LPO: variants seen among roughly 807,000 people sequenced by gnomAD.
LPO encodes the protein salivary peroxidase.
A neutral mutation model predicts 68.4 loss-of-function variants in LPO; 70 were observed. The observed-to-expected ratio is 1.02, with a 90% CI of 0.84 to 1.25. The LOEUF is 1.25. Among genes scored for constraint, LPO ranks in the 50% most tolerant of loss-of-function variants. LPO has a pLI of 0.00. For missense variants in LPO, 873 were observed against 908.4 expected, an observed-to-expected ratio of 0.96 and a Z score of 0.50; for synonymous variants, 360 against 357.6, an observed-to-expected ratio of 1.01 and a Z score of -0.08.
intron 4 of LPO, among the ~76,000 whole-genome samples, chr17:58,248,640 G>A (rs1284247467): frequency 6.6e-6 from 1 of 151,972 alleles, no homozygotes; most frequent in Non-Finnish European, 1.5e-5. Flanking sequence ...TGCTTGCTTG[G>A]TACTTCAGAT....
Position 58,249,677 on chromosome 17 carries a change from C to A in LPO, c.555C>A (p.Asn185Lys), listed in dbSNP as rs1969920941. 1.3e-6 allele frequency: 2 copies of A among 1,575,436 alleles called. No individual in the cohort carries two copies. The highest frequency in any genetic ancestry group is 4.6e-5 in the East Asian group (2 of 43,660). Residue 185 changes from asparagine (N) to lysine (K), a missense_variant, in exon 6 of 13, where the codon AAC (asparagine) becomes AAA (lysine). Coordinates refer to ENST00000262290, the MANE Select transcript of LPO (RefSeq NM_006151.3). The stretch of plus-strand genomic sequence containing the variant: ...GCTGGACGCCGGGGAAGACGCGCAA[C>A]GGCTTCCCTCTCCCGCTGGTGAGGG... ...PFGWTPGKTRNGFPLPLAREV... is the reference protein window; with the variant it reads ...PFGWTPGKTRKGFPLPLAREV...
At chr17:58,250,824 C>G (rs1969946899) in intron 7 of LPO, 1 of 588,432 alleles carries the variant, frequency 1.7e-6, no homozygotes, top group South Asian at 2.0e-5. Flanking sequence ...GTGCACTAAG[C>G]GCTGAGGATT....
At chr17:58,256,452 C>T (rs1270428443) in intron 9 of LPO, among the ~76,000 whole-genome samples, 6 of 148,676 alleles carry the variant, frequency 4.0e-5, no homozygotes, top group South Asian at 4.2e-4. Context: ...ACATAGTAGG[C>T]GCCTATATGT....
intron 9 of LPO, among the ~76,000 whole-genome samples, chr17:58,262,385 T>C (rs146219039): frequency 3.6e-4 from 55 of 152,280 alleles, no homozygotes; most frequent in African/African-American, 1.3e-3. Flanking sequence ...ATTTTGTTTG[T>C]TTGTTTATTT....
Position 58,268,056 on chromosome 17 carries a change from G to A in LPO, c.*62G>A, listed in dbSNP as rs1361599770. On this transcript the variant is annotated 3_prime_UTR_variant, in exon 13 of 13. Coordinates refer to ENST00000262290, the MANE Select transcript of LPO (RefSeq NM_006151.3). Reference sequence around the variant, plus strand: ...CAGGGCCATTTCAAGCAAGTTCAATGACCTGGTCCCTTAGAGCTCCATATC... The same window carrying A: ...CAGGGCCATTTCAAGCAAGTTCAATAACCTGGTCCCTTAGAGCTCCATATC... 20 of 1,534,940 alleles carry A rather than the reference G, an allele frequency of 1.3e-5. No homozygotes were observed. Among genetic ancestry groups the A allele is most frequent in the Non-Finnish European group, 1.7e-5 (19 of 1,114,432 alleles).
At chr17:58,265,786 T>C (rs1169031144) in intron 10 of LPO, among the ~76,000 whole-genome samples, 2 of 151,830 alleles carry the variant, frequency 1.3e-5, no homozygotes, top group Non-Finnish European at 2.9e-5. Flanking sequence ...GGTTTTGCCA[T>C]GTTGTCCAGG....
chr17:58,263,681 A>T (rs1970210964), intron 9 of LPO, among the ~76,000 whole-genome samples: 1 of 152,144 alleles, frequency 6.6e-6, no homozygotes, highest in Non-Finnish European at 1.5e-5. Context: ...TCAAGGCTAC[A>T]GTGAGCCAAG....
At chr17:58,252,972 G>A (rs1203315793) in intron 8 of LPO, among the ~76,000 whole-genome samples, 3 of 128,324 alleles carry the variant, frequency 2.3e-5, no homozygotes, top group African/African-American at 6.0e-5. Flanking sequence ...GCAGTGAGCC[G>A]AGATCACGCC....
intron 10 of LPO, 69 bp from the exon 11 acceptor site, chr17:58,266,084 A>C: frequency 9.5e-6 from 14 of 1,474,380 alleles, no homozygotes; most frequent in Non-Finnish European, 1.3e-5. Context: ...GTGGAGGCAG[A>C]GGCAAGCCAT....
At chr17:58,260,675 C>T (rs936275133) in intron 9 of LPO, among the ~76,000 whole-genome samples, 1 of 152,064 alleles carries the variant, frequency 6.6e-6, no homozygotes, top group Non-Finnish European at 1.5e-5. Context: ...AACTATACTG[C>T]TTGCTTTGGA....
Position 58,264,940 on chromosome 17 carries a change from C to T in LPO, c.1485C>T (p.Thr495=). 1.2e-6 allele frequency: 2 copies of T among 1,614,238 alleles called. No individual in the cohort carries two copies. The highest frequency in any genetic ancestry group is 8.5e-7 in the Non-Finnish European group (1 of 1,180,038). The change falls in exon 10 of 13, where the codon ACC becomes ACT. Residue 495 remains threonine (T), a synonymous_variant. Transcript: ENST00000262290. ...CAGAACCAGAACTCCCCCTCCACAC[C>T]CTCTTCTTCAACACTTGGAGGATGG... ...WGPEPELPLH[T]LFFNTWRMVK...
chr17:58,247,666 G>T (rs765380566), intron 4 of LPO, 28 bp downstream of exon 4: 2 of 1,605,080 alleles, frequency 1.2e-6, no homozygotes, highest in Admixed American at 3.4e-5. Flanking sequence ...GCCCTCTGTG[G>T]CAGGAAGGGG....
rs748123677 is a variant in LPO, at chr17:58,267,919, C to A, written c.2064C>A (p.Ser688Arg). ...KVPRDPFWAN[S>R]YPYDFVDCSA... ...CACGGGACCCATTCTGGGCCAACAG[C>A]TACCCCTATGACTTCGTGGATTGCT... is the stretch of plus-strand genomic sequence containing the variant. Residue 688 changes from serine (S) to arginine (R), a missense_variant, in exon 13 of 13, where the codon AGC becomes AGA. By Grantham distance (110) the Ser-to-Arg change is moderately radical (BLOSUM62 -1). Coordinates refer to ENST00000262290, the MANE Select transcript of LPO (RefSeq NM_006151.3). The A allele has an allele frequency of 2.5e-6, 4 of 1,614,088 alleles. No individual in the cohort carries two copies. The highest frequency in any genetic ancestry group is 3.4e-6 in the Non-Finnish European group (4 of 1,180,042).
At position 58,252,364 on chromosome 17, in the gene LPO, C is replaced by A. The variant is rs200496869; in HGVS notation, c.963C>A (p.Arg321=). ...SSEPSLASRL[R]NLSSPLGLMA... ...AGCCAAGCCTGGCCAGCCGCCTCCG[C>A]AACCTCAGCAGCCCCCTGGGCCTCA... The change falls in exon 8 of 13, where the codon CGC becomes CGA. Residue 321 remains arginine (R), a synonymous_variant. Transcript: ENST00000262290. 25 of 1,614,098 alleles carry A rather than the reference C, an allele frequency of 1.5e-5. No homozygotes were observed.
chr17:58,267,579 G>A lies in LPO; in HGVS notation c.1924G>A (p.Gly642Arg), dbSNP rs1324516825. The change falls in exon 12 of 13, where the codon GGA becomes AGA. Residue 642 changes from glycine to arginine, a missense_variant. Coordinates refer to ENST00000262290, the MANE Select transcript of LPO (RefSeq NM_006151.3). ...LGKQFQQIRD[G>R]DRFWWENPGV... is the part of the protein sequence containing the mutation. ...CAAGCAGTTCCAGCAGATCCGTGAT[G>A]GAGACAGGCAAGTGCGTCCTCAGCC... The A allele has an allele frequency of 1.9e-6, 3 of 1,608,492 alleles. No individual in the cohort carries two copies. Among genetic ancestry groups the A allele is most frequent in the Non-Finnish European group, 2.6e-6 (3 of 1,176,264 alleles).
chr17:58,266,186 C>T lies in LPO; in HGVS notation c.1553C>T (p.Ala518Val). The T allele has an allele frequency of 6.2e-7, 1 of 1,614,084 alleles. No homozygotes were observed. Among genetic ancestry groups the T allele is most frequent in the Non-Finnish European group, 8.5e-7 (1 of 1,180,000 alleles). ...GATCCTCTGGTGCGGGGCCTGCTGG[C>T]CAAGAAATCCAAGCTGATGAAACAG... ...GIDPLVRGLLAKKSKLMKQNK... is the reference protein window; with the variant it reads ...GIDPLVRGLLVKKSKLMKQNK... The change falls in exon 11 of 13, where the codon GCC (alanine) becomes GTC (valine). Residue 518 changes from alanine to valine, a missense_variant. Ala to Val is a moderately conservative substitution (Grantham distance 64). Transcript: ENST00000262290.
At position 58,268,448 on chromosome 17, in the gene LPO, C is replaced by T. The variant is rs35073145; in HGVS notation, c.*454C>T. 3.3e-3 allele frequency: 554 copies of T among 168,888 alleles called. 7 individuals are homozygous for T. The highest frequency in any genetic ancestry group is 0.013 in the African/African-American group (533 of 41,806). The allele number at this position is 168,888 out of a possible 1,614,324, so 10.5% of individuals were successfully genotyped here. ...CTGATGACTGACTAAAGATGCTAGG[C>T]GTGACACCGTTCCCTCCAAAAGCAG... On this transcript the variant is annotated 3_prime_UTR_variant, in exon 13 of 13. Transcript: ENST00000262290.
At position 58,268,011 on chromosome 17, in the gene LPO, G is replaced by A. The variant is rs1970308924; in HGVS notation, c.*17G>A. 1.2e-6 allele frequency: 2 copies of A among 1,612,292 alleles called. No individual in the cohort carries two copies. Among genetic ancestry groups the A allele is most frequent in the East Asian group, 4.5e-5 (2 of 44,886 alleles). ...AAGAATTAGGGGCCCGCGCTGCACA[G>A]GAAAGTTCCCTTTGGTCCACAGGGC... On this transcript the variant is annotated 3_prime_UTR_variant, in exon 13 of 13. Transcript: ENST00000262290.
chr17:58,249,836 C>A, intron 6 of LPO, 141 bp downstream of exon 6: 1 of 1,267,634 alleles, frequency 7.9e-7, no homozygotes, highest in East Asian at 2.8e-5. Flanking sequence ...CCCCCACCTT[C>A]CGCTAGAGGG....
Sources: allele counts gnomAD v4.1 joint callset (sites outside exome capture counted in the v4.1 genomes callset), GRCh38; gene constraint gnomAD v4.1.1; transcripts MANE v1.5; gene names NCBI Gene and HGNC (gene_info 2026-07-23, HGNC 2026-07-21).